Variants in BRCC3 observed in about 807,000 individuals in gnomAD.
The protein encoded by BRCC3 is lys-63-specific deubiquitinase BRCC36.
BRCC3 carries 15 observed loss-of-function variants against 28.0 expected under a neutral mutation model. The ratio of observed to expected loss-of-function variants is 0.54; its 90% confidence interval spans 0.36 to 0.82. The LOEUF (loss-of-function observed/expected upper bound fraction) is 0.82. Among genes scored for constraint, BRCC3 ranks in the 40% least tolerant of loss-of-function variants. The probability of loss-of-function intolerance (pLI) is 0.01; values close to 1 mark genes in which losing one functional copy is unlikely to be tolerated. For synonymous variants in BRCC3, 66 were observed against 80.3 expected, an observed-to-expected ratio of 0.82 and a Z score of 0.95; for missense variants, 109 against 225.9, an observed-to-expected ratio of 0.48 and a Z score of 3.32.
intron 5 of BRCC3, among the ~76,000 whole-genome samples, chrX:155,087,325 C>T (rs1042229256): frequency 4.5e-5 from 5 of 112,234 alleles, no homozygotes; most frequent in Admixed American, 9.4e-5. Flanking sequence ...TGACCGAGGC[C>T]AGTCTGAGCC....
chrX:155,116,790 T>C (rs1557298869), intron 9 of BRCC3, 36 bp downstream of exon 9: 1 of 1,045,476 alleles, frequency 9.6e-7, no homozygotes, highest in Non-Finnish European at 1.3e-6. Flanking sequence ...GCATTTTTTC[T>C]GACTATTTCC....
intron 7 of BRCC3, among the ~76,000 whole-genome samples, chrX:155,113,847 G>T (rs2074337576): frequency 9.0e-6 from 1 of 111,694 alleles, no homozygotes; most frequent in South Asian, 3.7e-4. Context: ...ATTTCTCTTG[G>T]TCAACAAGCA....
chrX:155,105,354 A>T (rs917410870), intron 7 of BRCC3, among the ~76,000 whole-genome samples: 2 of 111,356 alleles, frequency 1.8e-5, no homozygotes, highest in South Asian at 3.8e-4. Context: ...GTGGTGGCGC[A>T]TGCCTGTAAT....
chrX:155,084,509 T>C (rs782481273), intron 5 of BRCC3, among the ~76,000 whole-genome samples: 42 of 111,657 alleles, frequency 3.8e-4, no homozygotes, highest in African/African-American at 1.1e-3. Flanking sequence ...ACTACAGGCA[T>C]CCGCCACCAC....
In BRCC3 at chrX:155,078,776, G is replaced by T. The variant is rs1557293905; in HGVS notation, c.403+73G>T. 3 of 785,381 alleles carry T rather than the reference G, an allele frequency of 3.8e-6. No individual in the cohort carries two copies. The East Asian group carries it at 1.1e-4, about 29-fold the overall frequency. The allele number at this position is 785,381 out of a possible 1,213,427, so 64.7% of individuals were successfully genotyped here. Reference sequence around the variant, plus strand: ...CATGTTTCCTTTTCCATTACATAGGGTATGGTTATTTTAAACCAAAATTTG... The same window carrying T: ...CATGTTTCCTTTTCCATTACATAGGTTATGGTTATTTTAAACCAAAATTTG... On this transcript the variant is annotated intron_variant, in intron 5 of 10. Coordinates refer to ENST00000330045, the MANE Select transcript of BRCC3 (RefSeq NM_001018055.3).
At chrX:155,072,812 C>A (rs1433173940) in intron 2 of BRCC3, among the ~76,000 whole-genome samples, 4 of 110,441 alleles carry the variant, frequency 3.6e-5, no homozygotes, top group African/African-American at 1.3e-4. Context: ...CCCACCTCGA[C>A]CTCCCCAAGT....
chrX:155,107,131 G>T (rs2074289711), intron 7 of BRCC3, among the ~76,000 whole-genome samples: 2 of 108,418 alleles, frequency 1.8e-5, no homozygotes, highest in African/African-American at 3.4e-5. Flanking sequence ...TTTCTTTTAT[G>T]TTTATTATTT....
intron 3 of BRCC3, among the ~76,000 whole-genome samples, chrX:155,075,317 C>CTTTG (rs1569560432): frequency 1.9e-5 from 1 of 52,992 alleles, no homozygotes; most frequent in African/African-American, 4.1e-4. Flanking sequence ...TTCTTCCCCA[C>CTTTG]ACTAAATGTG....
Position 155,091,678 on chromosome X carries a change from A to G in BRCC3, c.548+839A>G, listed in dbSNP as rs141027978. 6.1e-3 allele frequency among the ~76,000 whole-genome samples: 682 copies of G among 111,562 alleles called. 5 individuals are homozygous for G. The highest frequency in any genetic ancestry group is 9.2e-3 in the Middle Eastern group (2 of 217). On this transcript the variant is annotated intron_variant, in intron 7 of 10. Transcript: ENST00000330045. ...GCCTTTTTTCTTGTCATATTTATCA[A>G]TTTATTATTATAGCATTGTTTGAAA... is the stretch of plus-strand genomic sequence containing the variant.
chrX:155,074,237 C>T (rs1361357767), intron 3 of BRCC3, among the ~76,000 whole-genome samples: 2 of 112,077 alleles, frequency 1.8e-5, no homozygotes. Flanking sequence ...TTAAATTACT[C>T]TCATTTTCAG....
intron 10 of BRCC3, 59 bp downstream of exon 10, chrX:155,120,227 A>C: frequency 2.7e-4 from 231 of 864,219 alleles, no homozygotes; most frequent in Non-Finnish European, 3.5e-4. Context: ...CACACAGCTC[A>C]CATGCAGGCA....
At chrX:155,089,233 G>T in intron 5 of BRCC3, 30 bp from the exon 6 acceptor site, 1 of 1,053,246 alleles carries the variant, frequency 9.5e-7, no homozygotes, top group Non-Finnish European at 1.3e-6. Context: ...CTTATTGACA[G>T]AAGATTTTTA....
intron 7 of BRCC3, among the ~76,000 whole-genome samples, chrX:155,112,972 G>A (rs939300903): frequency 9.0e-6 from 1 of 110,924 alleles, no homozygotes; most frequent in South Asian, 3.7e-4. Context: ...ACTACAAAAT[G>A]TTGCTGGAAG....
chrX:155,118,210 A>G (rs2074368845), intron 9 of BRCC3, among the ~76,000 whole-genome samples: 1 of 112,310 alleles, frequency 8.9e-6, no homozygotes, highest in Admixed American at 9.5e-5. Context: ...ACTCTGATAT[A>G]TCCATATAAT....
chrX:155,095,809 T>A (rs1557296176), intron 7 of BRCC3, among the ~76,000 whole-genome samples: 1 of 111,923 alleles, frequency 8.9e-6, no homozygotes, highest in Non-Finnish European at 1.9e-5. Context: ...GTATTTCTAC[T>A]GTACCTTTTC....
chrX:155,083,666 T>G (rs2074099790), intron 5 of BRCC3, among the ~76,000 whole-genome samples: 1 of 112,518 alleles, frequency 8.9e-6, no homozygotes, highest in African/African-American at 3.2e-5. Context: ...TTCATGGAGC[T>G]TTCAAATATG....
intron 7 of BRCC3, among the ~76,000 whole-genome samples, chrX:155,107,330 TTA>T (rs1419561045): frequency 5.4e-5 from 6 of 110,570 alleles, no homozygotes; most frequent in African/African-American, 2.0e-4. Flanking sequence ...ATTTTTTTTT[TTA>T]AAAGTTCTTT....
intron 2 of BRCC3, 136 bp from the exon 3 acceptor site, chrX:155,073,241 A>G: frequency 1.5e-6 from 1 of 685,443 alleles, no homozygotes; most frequent in Non-Finnish European, 2.2e-6. Context: ...CTCTAGCCTC[A>G]ATTCAGTTTC....
rs900174755 is a variant in BRCC3 at position 155,122,481 on chromosome X, A to C, written c.*1277A>C. ...ACATAATTTTTTAATCAAGTTAAAC[A>C]TAAGACCCAGCAGTTGTGCTCCTGG... On this transcript the variant is annotated 3_prime_UTR_variant, in exon 11 of 11. Coordinates refer to ENST00000330045, the MANE Select transcript of BRCC3 (RefSeq NM_001018055.3). The C allele has an allele frequency of 1.6e-4, 18 of 112,439 alleles. No individual in the cohort carries two copies. The highest frequency in any genetic ancestry group is 5.8e-4 in the African/African-American group (18 of 30,942). The allele number at this position is 112,439 out of a possible 1,213,427, so 9.3% of individuals were successfully genotyped here.
Sources: gnomAD v4.1 joint callset for allele counts (sites outside exome capture counted in the v4.1 genomes callset) on GRCh38, gnomAD v4.1.1 for gene constraint, MANE v1.5 for transcripts, NCBI Gene and HGNC (gene_info 2026-07-23, HGNC 2026-07-21) for gene names.